AKAP8L: variants seen among roughly 807,000 people sequenced by gnomAD.
The protein encoded by AKAP8L is A-kinase anchor protein 8-like.
In AKAP8L, 34 loss-of-function variants were observed where a neutral mutation model predicts 77.5. That is an observed-to-expected ratio of 0.44 (90% CI 0.33 to 0.58). AKAP8L has a LOEUF of 0.58. Among genes scored for constraint, AKAP8L ranks in the 20% least tolerant of loss-of-function variants. The pLI is 0.02. For missense variants in AKAP8L, 806 were observed against 887.6 expected (o/e 0.91, Z 1.17); for synonymous variants, 342 against 340.7 (o/e 1.00, Z -0.04).
rs906189825 is a variant in AKAP8L, at chr19:15,386,900, C to T, written c.1537-6288G>A. ...TCTTGAACTCCTGACCTCAGGTGAT[C>T]TGCCCACCTTGGCCTCCCAAAGTGC... On this transcript the variant is annotated intron_variant, in intron 12 of 13. Coordinates refer to ENST00000397410, the MANE Select transcript of AKAP8L (RefSeq NM_014371.4). 5.9e-5 allele frequency among the ~76,000 whole-genome samples: 9 copies of T among 152,200 alleles called. 1 individual carries two copies. Among genetic ancestry groups the T allele is most frequent in the Non-Finnish European group, 1.3e-4 (9 of 68,038 alleles).
chr19:15,414,478 T>G (rs1968166450), intron 1 of AKAP8L, among the ~76,000 whole-genome samples: 1 of 151,822 alleles, frequency 6.6e-6, no homozygotes, highest in South Asian at 2.1e-4. Context: ...AGATCACAGA[T>G]TTCTTTTTTT....
chr19:15,410,656 T>C (rs1272017693), intron 1 of AKAP8L, 62 bp from the exon 2 acceptor site: 53 of 1,351,778 alleles, frequency 3.9e-5, no homozygotes, highest in Non-Finnish European at 5.2e-5. Context: ...GACCTGAGAC[T>C]ACCTAACCTT....
chr19:15,387,929 A>G (rs994427672), intron 12 of AKAP8L, among the ~76,000 whole-genome samples: 7 of 151,012 alleles, frequency 4.6e-5, no homozygotes, highest in African/African-American at 1.7e-4. Context: ...ACTGCATTCC[A>G]GCCTGGGCAA....
chr19:15,402,388 G>A (rs1967917800), intron 4 of AKAP8L, among the ~76,000 whole-genome samples: 1 of 152,126 alleles, frequency 6.6e-6, no homozygotes, highest in East Asian at 1.9e-4. Flanking sequence ...GGCTCCCCTT[G>A]CACACTCTTC....
At chr19:15,389,789 C>G (rs1267296508) in intron 12 of AKAP8L, among the ~76,000 whole-genome samples, 4 of 151,922 alleles carry the variant, frequency 2.6e-5, no homozygotes, top group African/African-American at 9.7e-5. Flanking sequence ...AAAACCAGCC[C>G]AACAAACTCC....
At chr19:15,409,543 C>G (rs1027484480) in intron 2 of AKAP8L, among the ~76,000 whole-genome samples, 1 of 152,130 alleles carries the variant, frequency 6.6e-6, no homozygotes, top group Non-Finnish European at 1.5e-5. Flanking sequence ...CAGTCTTTCC[C>G]CAGATCTTGG....
intron 12 of AKAP8L, among the ~76,000 whole-genome samples, chr19:15,387,063 C>T (rs768329514): frequency 1.3e-5 from 2 of 152,198 alleles, no homozygotes; most frequent in Non-Finnish European, 2.9e-5. Flanking sequence ...CCCAGCCACA[C>T]GCACGTGGAA....
At chr19:15,389,162 T>G (rs1404189889) in intron 12 of AKAP8L, among the ~76,000 whole-genome samples, 4 of 149,220 alleles carry the variant, frequency 2.7e-5, no homozygotes, top group African/African-American at 9.9e-5. Flanking sequence ...GAGGCGGAGC[T>G]TGCAGTGTGC....
At chr19:15,395,971 G>A (rs1299002391) in intron 12 of AKAP8L, among the ~76,000 whole-genome samples, 4 of 52,528 alleles carry the variant, frequency 7.6e-5, no homozygotes, top group East Asian at 1.1e-3. Context: ...GCGACAGAGC[G>A]AGACTCCGTC....
intron 12 of AKAP8L, among the ~76,000 whole-genome samples, chr19:15,396,129 A>C (rs190324224): frequency 1.3e-5 from 2 of 152,026 alleles, no homozygotes; most frequent in African/African-American, 4.8e-5. Context: ...GAGACCCCTG[A>C]CCCTGTCCAC....
Position 15,397,688 on chromosome 19 carries a change from A to T in AKAP8L, c.1299+26T>A. 1 of 1,613,932 alleles carries T rather than the reference A, an allele frequency of 6.2e-7. No individual in the cohort carries two copies. The highest frequency in any genetic ancestry group is 8.5e-7 in the Non-Finnish European group (1 of 1,179,866). The stretch of plus-strand genomic sequence containing the variant: ...GTTCTCAGGGGTCCAAGAAACTAAG[A>T]GCGGCTGTGTTACTCCAAGGCTCAC... On this transcript the variant is annotated intron_variant, in intron 10 of 13. Coordinates refer to ENST00000397410, the MANE Select transcript of AKAP8L (RefSeq NM_014371.4). The surrounding 1 kb of genome is among the most constrained non-coding windows in gnomAD (Gnocchi z 4.7).
intron 12 of AKAP8L, chr19:15,380,966 G>C (rs982676975): frequency 4.3e-6 from 1 of 232,892 alleles, no homozygotes; most frequent in African/African-American, 2.2e-5. Context: ...GTGCCAACTA[G>C]GCTAATAGGC....
chr19:15,392,201 A>T (rs1230704480), intron 12 of AKAP8L, among the ~76,000 whole-genome samples: 3 of 152,220 alleles, frequency 2.0e-5, no homozygotes, highest in Non-Finnish European at 4.4e-5. Context: ...GTAGGGTATA[A>T]TATCAATATA....
At chr19:15,390,121 A>C (rs1967630607) in intron 12 of AKAP8L, among the ~76,000 whole-genome samples, 1 of 152,058 alleles carries the variant, frequency 6.6e-6, no homozygotes, top group South Asian at 2.1e-4. Context: ...TAATAAAAAA[A>C]AACTAGTTAA....
rs1967797549 is a variant in AKAP8L, at chr19:15,397,360, G to A, written c.1406-80C>T. 3.7e-5 allele frequency: 58 copies of A among 1,560,168 alleles called. No homozygotes were observed. The highest frequency in any genetic ancestry group is 4.9e-5 in the Non-Finnish European group (56 of 1,145,036). On this transcript the variant is annotated intron_variant, in intron 11 of 13. Coordinates refer to ENST00000397410, the MANE Select transcript of AKAP8L (RefSeq NM_014371.4). The surrounding 1 kb of genome is among the most constrained non-coding windows in gnomAD (Gnocchi z 4.7). ...GGTGTTCGAGAAAAAAACCACACCA[G>A]CTCCTCCTCAACTCGCCCTGCCACT... is the stretch of plus-strand genomic sequence containing the variant.
chr19:15,388,773 G>A (rs938598348), intron 12 of AKAP8L, among the ~76,000 whole-genome samples: 7 of 151,186 alleles, frequency 4.6e-5, no homozygotes, highest in South Asian at 2.1e-4. Flanking sequence ...AAAATTAGCC[G>A]GGCGTGGTGG....
chr19:15,416,586 G>A (rs1163649187), intron 1 of AKAP8L, among the ~76,000 whole-genome samples: 1 of 152,212 alleles, frequency 6.6e-6, no homozygotes, highest in Non-Finnish European at 1.5e-5. Flanking sequence ...GATCCTAAAT[G>A]TAACCTCATG....
rs1335683392 is a variant in AKAP8L at position 15,403,911 on chromosome 19, C to T, written c.121+99G>A. On this transcript the variant is annotated intron_variant, in intron 3 of 13. Transcript: ENST00000397410. The surrounding 1 kb of genome is among the most constrained non-coding windows in gnomAD (Gnocchi z 4.3). Reference sequence around the variant, plus strand: ...AGTAGGTAACCCCAGAAACATGCCCCCTCCCCACTCCCAACCTTGGCCAAG... The same window carrying T: ...AGTAGGTAACCCCAGAAACATGCCCTCTCCCCACTCCCAACCTTGGCCAAG... 17 of 1,431,002 alleles carry T rather than the reference C, an allele frequency of 1.2e-5. No homozygotes were observed. Among genetic ancestry groups the T allele is most frequent in the African/African-American group, 4.2e-5 (3 of 70,746 alleles). The allele number at this position is 1,431,002 out of a possible 1,614,324, so 88.6% of individuals were successfully genotyped here. A position where few individuals can be genotyped will look rare whatever the true frequency, so the allele number is the denominator to read the frequency against.
At chr19:15,409,758 G>A (rs1001084541) in intron 2 of AKAP8L, among the ~76,000 whole-genome samples, 2 of 152,040 alleles carry the variant, frequency 1.3e-5, no homozygotes, top group African/African-American at 4.8e-5. Context: ...AGGTGTTTCT[G>A]TCCACGCTGG....
Sources: allele counts gnomAD v4.1 joint callset (sites outside exome capture counted in the v4.1 genomes callset), GRCh38; gene constraint gnomAD v4.1.1; non-coding constraint Gnocchi (gnomAD v3.1); transcripts MANE v1.5; gene names NCBI Gene and HGNC (gene_info 2026-07-23, HGNC 2026-07-21).